Variants in MYLK3 observed in about 807,000 individuals in gnomAD.
MYLK3 encodes the protein myosin light chain kinase 3, also known as MLC kinase.
A neutral mutation model predicts 76.3 loss-of-function variants in MYLK3; 55 were observed. That is an observed-to-expected ratio of 0.72 (90% CI 0.58 to 0.90). The LOEUF is 0.90. MYLK3 is among the 40% of genes least tolerant of loss of function. The probability of loss-of-function intolerance (pLI) is 0.00; values close to 1 mark genes in which losing one functional copy is unlikely to be tolerated. For missense variants in MYLK3, 973 were observed against 1,053.6 expected (o/e 0.92, Z 1.06); for synonymous variants, 416 against 425.4 (o/e 0.98, Z 0.27).
intron 1 of MYLK3, among the ~76,000 whole-genome samples, chr16:46,759,201 A>C (rs1326468246): frequency 6.6e-6 from 1 of 152,232 alleles, no homozygotes; most frequent in Non-Finnish European, 1.5e-5. Context: ...CTGGGCGAAG[A>C]CTTCTCATTT....
Position 46,707,556 on chromosome 16 carries a change from C to G in MYLK3, c.*148G>C. 1.7e-6 allele frequency: 1 copy of G among 577,086 alleles called. No individual in the cohort carries two copies. 35.7% of individuals were successfully genotyped at this position (577,086 alleles called of 1,614,324 possible). A position where few individuals can be genotyped will look rare whatever the true frequency, so the allele number is the denominator to read the frequency against. ...CTTCTTTACAGCCACTTTTCATCCACAAGGAAGGCAGCAGCCATAACCATT... is the reference window on the plus strand; with the variant it reads ...CTTCTTTACAGCCACTTTTCATCCAGAAGGAAGGCAGCAGCCATAACCATT... On this transcript the variant is annotated 3_prime_UTR_variant, in exon 13 of 13. Transcript: ENST00000394809.
chr16:46,728,119 A>G (rs987053672), intron 7 of MYLK3, among the ~76,000 whole-genome samples: 2 of 152,256 alleles, frequency 1.3e-5, no homozygotes, highest in African/African-American at 4.8e-5. Context: ...CAATAAGGAC[A>G]TGACATGACA....
At chr16:46,754,283 G>C (rs928962786) in intron 1 of MYLK3, among the ~76,000 whole-genome samples, 1 of 150,216 alleles carries the variant, frequency 6.7e-6, no homozygotes, top group Non-Finnish European at 1.5e-5. Flanking sequence ...GGGATAAAGA[G>C]AAGATTTAAA....
At chr16:46,745,428 T>C (rs1329531526) in intron 1 of MYLK3, among the ~76,000 whole-genome samples, 1 of 152,050 alleles carries the variant, frequency 6.6e-6, no homozygotes, top group Non-Finnish European at 1.5e-5. Flanking sequence ...GCCAGGACAA[T>C]GTGAATAACA....
chr16:46,762,760 G>A (rs1314838227), intron 1 of MYLK3, among the ~76,000 whole-genome samples: 3 of 152,156 alleles, frequency 2.0e-5, no homozygotes, highest in African/African-American at 7.2e-5. Context: ...AAATATTTGG[G>A]AACAATCACT....
intron 8 of MYLK3, among the ~76,000 whole-genome samples, chr16:46,724,846 A>G (rs1380894496): frequency 1.3e-5 from 2 of 152,196 alleles, no homozygotes; most frequent in Non-Finnish European, 2.9e-5. Flanking sequence ...TATGACTTTG[A>G]TAAGGATTAT....
rs1208543830 is a variant in MYLK3, at chr16:46,712,761, C to T, written c.2001G>A (p.Glu667=). 2 of 1,598,194 alleles carry T rather than the reference C, an allele frequency of 1.3e-6. No individual in the cohort carries two copies. The highest frequency in any genetic ancestry group is 1.3e-5 in the African/African-American group (1 of 74,108). The part of the protein sequence containing the change: ...FGLARRYKPR[E]KLKVNFGTPE... ...GAGTGCCGAAGTTCACCTTCAGCTT[C>T]TCTCGAGGCTTGTACCTGGGGAGAA... is the stretch of plus-strand genomic sequence containing the variant. Residue 667 remains glutamate (E), a synonymous_variant, in exon 10 of 13, where the codon GAG becomes GAA. Transcript: ENST00000394809.
intron 9 of MYLK3, among the ~76,000 whole-genome samples, chr16:46,714,011 T>C (rs907206670): frequency 6.6e-6 from 1 of 152,234 alleles, no homozygotes; most frequent in South Asian, 2.1e-4. Context: ...TATGTATTTT[T>C]TTAACCACAA....
upstream of MYLK3, among the ~76,000 whole-genome samples, chr16:46,748,867 G>A (rs567039785): frequency 1.2e-4 from 19 of 152,282 alleles, no homozygotes; most frequent in East Asian, 3.3e-3. This position sits in a 1 kb window ranked among gnomAD's most constrained non-coding sequence, Gnocchi z 4.3. Context: ...CCTCCCCACC[G>A]GAGCCCTCAG....
chr16:46,738,902 G>A (rs1390971543), intron 2 of MYLK3, among the ~76,000 whole-genome samples: 3 of 152,130 alleles, frequency 2.0e-5, no homozygotes, highest in East Asian at 1.9e-4. Context: ...GTACAGTGGC[G>A]TGATCTCGGC....
chr16:46,721,858 A>G lies in MYLK3; in HGVS notation c.1915-665T>C, dbSNP rs567465916. 3.9e-4 allele frequency among the ~76,000 whole-genome samples: 59 copies of G among 152,244 alleles called. No individual in the cohort carries two copies. The South Asian group carries it at 0.011, about 28-fold the overall frequency. ...CATCAGGGGAGCTTTTAAAATCCCA[A>G]TGTTATACTGGAATGCTAAGAGAAT... On this transcript the variant is annotated intron_variant, in intron 8 of 12. Coordinates refer to ENST00000394809, the MANE Select transcript of MYLK3 (RefSeq NM_182493.3).
chr16:46,739,801 A>C (rs1311925109), intron 2 of MYLK3, among the ~76,000 whole-genome samples: 1 of 152,192 alleles, frequency 6.6e-6, no homozygotes. Flanking sequence ...TTATACTTGA[A>C]TTTTCAACTG....
chr16:46,753,732 G>C (rs1206172791), intron 1 of MYLK3, among the ~76,000 whole-genome samples: 1 of 152,112 alleles, frequency 6.6e-6, no homozygotes, highest in African/African-American at 2.4e-5. Context: ...GCAATATAGG[G>C]AGACCCTGTC....
At chr16:46,752,521 G>A (rs1417579752), upstream of MYLK3, among the ~76,000 whole-genome samples, 1 of 151,986 alleles carries the variant, frequency 6.6e-6, no homozygotes, top group Admixed American at 6.6e-5. Flanking sequence ...ATGTATCACT[G>A]AACTTAAAAG....
chr16:46,716,631 CCTT>C (rs1480088438), intron 9 of MYLK3, among the ~76,000 whole-genome samples: 1 of 151,960 alleles, frequency 6.6e-6, no homozygotes, highest in Non-Finnish European at 1.5e-5. Context: ...CTTCTCCAGT[CCTT>C]CTTTCACCTG....
In MYLK3 at chr16:46,710,658, C is replaced by A; in HGVS notation, c.2246G>T (p.Arg749Leu). The change falls in exon 11 of 13, where the codon CGG becomes CTG. Residue 749 changes from arginine (R) to leucine (L), a missense_variant. Arg to Leu is a moderately radical substitution (Grantham distance 102). Transcript: ENST00000394809. ...LSEEAKDFVS[R>L]LLVKEKSCRM... The stretch of plus-strand genomic sequence containing the variant: ...GTACCTCTTCTCTTTGACCAGCAAC[C>A]GGGAAACAAAGTCCTTGGCCTCCTC... The A allele has an allele frequency of 6.2e-7, 1 of 1,614,142 alleles. No homozygotes were observed. Among genetic ancestry groups the A allele is most frequent in the Non-Finnish European group, 8.5e-7 (1 of 1,180,034 alleles).
At chr16:46,715,812 A>G (rs1596749003) in intron 9 of MYLK3, among the ~76,000 whole-genome samples, 1 of 151,394 alleles carries the variant, frequency 6.6e-6, no homozygotes, top group Admixed American at 6.6e-5. Context: ...AACCAACTTT[A>G]TTTTCTATAG....
At chr16:46,720,320 C>T (rs1374902167) in intron 9 of MYLK3, among the ~76,000 whole-genome samples, 1 of 152,156 alleles carries the variant, frequency 6.6e-6, no homozygotes, top group Non-Finnish European at 1.5e-5. Context: ...CCACCTCAGC[C>T]TCCCAAGTAG....
chr16:46,760,691 C>G (rs563399591), intron 1 of MYLK3, among the ~76,000 whole-genome samples: 1 of 152,348 alleles, frequency 6.6e-6, no homozygotes, highest in African/African-American at 2.4e-5. Flanking sequence ...CCCCTACCCT[C>G]TGAGCTGAGC....
Sources: gnomAD v4.1 joint callset for allele counts (sites outside exome capture counted in the v4.1 genomes callset) on GRCh38, gnomAD v4.1.1 for gene constraint, Gnocchi (gnomAD v3.1) non-coding constraint, MANE v1.5 for transcripts, NCBI Gene and HGNC (gene_info 2026-07-23, HGNC 2026-07-21) for gene names.